The following CSMD1 variants were observed in gnomAD, a reference collection of about 807,000 sequenced individuals.
CSMD1 encodes CUB and Sushi multiple domains 1.
A neutral mutation model predicts 417.5 loss-of-function variants in CSMD1; 213 were observed. The ratio of observed to expected loss-of-function variants is 0.51; its 90% CI spans 0.46 to 0.57. The LOEUF is 0.57. Among genes scored for constraint, CSMD1 ranks in the 20% least tolerant of loss-of-function variants. CSMD1 has a pLI of 0.00. For synonymous variants in CSMD1, 2,862 were observed against 1,736.8 expected (o/e 1.65, Z -16.11); for missense variants, 6,923 against 4,529.7 (o/e 1.53, Z -15.17).
At chr8:3,350,811 A>C (rs13439735) in intron 21 of CSMD1, among the ~76,000 whole-genome samples, 16,512 of 152,168 alleles carry the variant, frequency 0.11, 1,137 homozygotes, top group Non-Finnish European at 0.16. Flanking sequence ...CAAAAGAAAT[A>C]ATTTTACATG....
intron 3 of CSMD1, among the ~76,000 whole-genome samples, chr8:4,293,789 C>T (rs1199520236): frequency 6.6e-6 from 1 of 152,120 alleles, no homozygotes; most frequent in Non-Finnish European, 1.5e-5. Flanking sequence ...AAACAAGGAA[C>T]ATTGAAGCAA....
intron 1 of CSMD1, among the ~76,000 whole-genome samples, chr8:4,652,251 G>C (rs1256208082): frequency 6.6e-6 from 1 of 152,156 alleles, no homozygotes; most frequent in Non-Finnish European, 1.5e-5. Flanking sequence ...AATGATGTCA[G>C]AATAGAAATC....
chr8:3,225,068 A>C (rs1253499479), intron 27 of CSMD1, among the ~76,000 whole-genome samples: 2 of 152,196 alleles, frequency 1.3e-5, no homozygotes, highest in Non-Finnish European at 1.5e-5. Context: ...AAAATGTCTT[A>C]ATTGCTGATT....
At chr8:3,089,845 C>A (rs1030266022) in intron 48 of CSMD1, among the ~76,000 whole-genome samples, 2 of 152,090 alleles carry the variant, frequency 1.3e-5, no homozygotes, top group African/African-American at 4.8e-5. Context: ...GGTATGACAA[C>A]AAATAAAATA....
chr8:4,604,410 T>TGTGTGTGTGTGTGCGCGC (rs59349269), intron 2 of CSMD1, among the ~76,000 whole-genome samples: 1 of 146,150 alleles, frequency 6.8e-6, no homozygotes, highest in African/African-American at 2.5e-5. Flanking sequence ...TGTGTGTGTG[T>TGTGTGTGTGTGTGCGCGC]GCGCGTGCGT....
chr8:3,011,928 T>G (rs964574394), intron 52 of CSMD1, among the ~76,000 whole-genome samples: 1 of 152,166 alleles, frequency 6.6e-6, no homozygotes, highest in African/African-American at 2.4e-5. Flanking sequence ...ATCACAAACT[T>G]CCTGGGTGGA....
chr8:4,804,297 A>G (rs1673218799), intron 1 of CSMD1, among the ~76,000 whole-genome samples: 1 of 152,200 alleles, frequency 6.6e-6, no homozygotes, highest in South Asian at 2.1e-4. Flanking sequence ...AACAGAGCAG[A>G]AGCAATTAAT....
At chr8:4,371,814 T>C (rs1213417833) in intron 3 of CSMD1, among the ~76,000 whole-genome samples, 2 of 152,158 alleles carry the variant, frequency 1.3e-5, no homozygotes, top group Non-Finnish European at 2.9e-5. Context: ...TGCCAAGCAA[T>C]TGTAGTGGAG....
chr8:3,965,414 C>A (rs187394516), intron 5 of CSMD1, among the ~76,000 whole-genome samples: 14 of 152,170 alleles, frequency 9.2e-5, no homozygotes, highest in Admixed American at 5.9e-4. Flanking sequence ...ACATGGTTTT[C>A]GTGATGGCCT....
intron 3 of CSMD1, among the ~76,000 whole-genome samples, chr8:4,125,913 C>T (rs923608692): frequency 3.3e-5 from 5 of 152,124 alleles, no homozygotes; most frequent in Admixed American, 6.5e-5. Flanking sequence ...GCCTCTGGCT[C>T]CAAGAGTATG....
rs145285629 is a variant in CSMD1, at chr8:2,966,437, A to T, written c.9100+133T>A. On this transcript the variant is annotated intron_variant, in intron 58 of 69. Transcript: ENST00000635120. ...ACTTAAGAAATACAGCCACAATGTC[A>T]CACATAGTTTTCCCTTTTTTCCTCT... The T allele has an allele frequency of 1.1e-5, 9 of 788,950 alleles. No homozygotes were observed. In the African/African-American group the frequency reaches 1.2e-4, roughly 11 times the overall value. 48.9% of individuals were successfully genotyped at this position (788,950 alleles called of 1,614,324 possible).
intron 3 of CSMD1, among the ~76,000 whole-genome samples, chr8:4,193,642 C>A (rs1450920240): frequency 6.6e-6 from 1 of 152,060 alleles, no homozygotes; most frequent in Admixed American, 6.5e-5. Context: ...AAGGGAGGCC[C>A]AGTGTTTAGT....
intron 7 of CSMD1, among the ~76,000 whole-genome samples, chr8:3,697,279 G>A (rs1368834416): frequency 6.6e-6 from 1 of 152,138 alleles, no homozygotes; most frequent in East Asian, 1.9e-4. Context: ...TCTAATGAAA[G>A]GATTTAACCA....
chr8:4,211,310 C>G (rs936258657), intron 3 of CSMD1, among the ~76,000 whole-genome samples: 2 of 152,004 alleles, frequency 1.3e-5, no homozygotes, highest in Non-Finnish European at 1.5e-5. Flanking sequence ...CTTTAATCTG[C>G]TATCATTATA....
At chr8:3,798,941 T>C (rs1387135961) in intron 5 of CSMD1, among the ~76,000 whole-genome samples, 1 of 152,050 alleles carries the variant, frequency 6.6e-6, no homozygotes, top group Non-Finnish European at 1.5e-5. Context: ...ATCATATATA[T>C]AAAAACTCTT....
At chr8:3,861,198 G>T (rs115403116) in intron 5 of CSMD1, among the ~76,000 whole-genome samples, 3,652 of 152,232 alleles carry the variant, frequency 0.024, 54 homozygotes, top group Middle Eastern at 0.054. Context: ...TTGGCAACGA[G>T]GTTCAGTTGT....
chr8:3,239,218 G>A (rs1023079284), intron 26 of CSMD1, among the ~76,000 whole-genome samples: 1 of 152,104 alleles, frequency 6.6e-6, no homozygotes, highest in Non-Finnish European at 1.5e-5. Context: ...GAGCGTAAGG[G>A]ATATAAAGGT....
chr8:3,046,931 G>A (rs62490531), intron 50 of CSMD1, among the ~76,000 whole-genome samples: 36,444 of 152,102 alleles, frequency 0.24, 5,071 homozygotes, highest in East Asian at 0.33. Flanking sequence ...TCAAAGAGCC[G>A]CTCTGGGCCA....
chr8:4,648,100 T>G (rs988523170), intron 1 of CSMD1, among the ~76,000 whole-genome samples: 1 of 152,218 alleles, frequency 6.6e-6, no homozygotes, highest in African/African-American at 2.4e-5. Context: ...TTTTTAATAA[T>G]TGCCATTCTG....
Sources: allele counts gnomAD v4.1 joint callset (sites outside exome capture counted in the v4.1 genomes callset), GRCh38; gene constraint gnomAD v4.1.1; transcripts MANE v1.5; gene names NCBI Gene and HGNC (gene_info 2026-07-23, HGNC 2026-07-21).